Variants in ST8SIA2 observed in about 807,000 individuals in gnomAD.
ST8SIA2 encodes ST8 alpha-N-acetyl-neuraminide alpha-2,8-sialyltransferase 2, also known as alpha-2,8-sialyltransferase 8B.
Under a neutral mutation model 37.6 loss-of-function variants are expected in ST8SIA2, and 22 were observed. That is an observed-to-expected ratio of 0.58 (90% CI 0.42 to 0.83). The LOEUF is 0.83. Among genes scored for constraint, ST8SIA2 ranks in the 40% least tolerant of loss-of-function variants. The pLI is 0.00. For synonymous variants in ST8SIA2, 205 were observed against 201.2 expected, an observed-to-expected ratio of 1.02 and a Z score of -0.16; for missense variants, 382 against 484.7, an observed-to-expected ratio of 0.79 and a Z score of 1.99.
chr15:92,406,109 G>A (rs535426703), intron 1 of ST8SIA2, among the ~76,000 whole-genome samples: 1 of 152,334 alleles, frequency 6.6e-6, no homozygotes, highest in African/African-American at 2.4e-5. Context: ...GGAAGAGGTA[G>A]GGCACAGCTG....
chr15:92,394,291 G>A, intron 1 of ST8SIA2, 129 bp downstream of exon 1: 2 of 886,756 alleles, frequency 2.3e-6, no homozygotes, highest in Non-Finnish European at 3.6e-6. Flanking sequence ...AGATGGGGAC[G>A]GTTTGGCAGA....
intron 1 of ST8SIA2, among the ~76,000 whole-genome samples, chr15:92,398,155 AAAAG>A (rs1274978434): frequency 6.6e-6 from 1 of 152,192 alleles, no homozygotes; most frequent in East Asian, 1.9e-4. Context: ...AAAGAAAAGA[AAAAG>A]AAAGAAAGAA....
intron 4 of ST8SIA2, among the ~76,000 whole-genome samples, chr15:92,439,076 T>C (rs762405865): frequency 6.6e-6 from 1 of 152,118 alleles, no homozygotes; most frequent in African/African-American, 2.4e-5. Context: ...AGAGATCATA[T>C]CACCTGCAAA....
At chr15:92,436,277 T>A (rs887912450) in intron 3 of ST8SIA2, among the ~76,000 whole-genome samples, 1 of 152,090 alleles carries the variant, frequency 6.6e-6, no homozygotes, top group African/African-American at 2.4e-5. Flanking sequence ...GAAATCCTCC[T>A]GCCAGTATGA....
chr15:92,402,839 A>G (rs966962704), intron 1 of ST8SIA2, among the ~76,000 whole-genome samples: 6 of 150,532 alleles, frequency 4.0e-5, no homozygotes, highest in African/African-American at 2.5e-5. Context: ...TTGTTTGACC[A>G]TCTCATTACC....
chr15:92,417,869 C>T (rs112879112), intron 1 of ST8SIA2, among the ~76,000 whole-genome samples: 8 of 152,118 alleles, frequency 5.3e-5, no homozygotes, highest in African/African-American at 1.9e-4. Flanking sequence ...GTAATGTGAG[C>T]GGAGAGTCTA....
chr15:92,418,208 G>C (rs982592095), intron 1 of ST8SIA2, among the ~76,000 whole-genome samples: 1 of 151,846 alleles, frequency 6.6e-6, no homozygotes, highest in African/African-American at 2.4e-5. Context: ...AATCCCAGCA[G>C]TTTGGGAGGC....
intron 1 of ST8SIA2, among the ~76,000 whole-genome samples, chr15:92,414,444 C>G (rs1230019292): frequency 2.0e-5 from 3 of 152,212 alleles, no homozygotes; most frequent in Admixed American, 6.5e-5. Context: ...CCCAACCTCA[C>G]CTTTGCACCT....
At chr15:92,452,928 G>T (rs781693246) in intron 5 of ST8SIA2, among the ~76,000 whole-genome samples, 4 of 152,030 alleles carry the variant, frequency 2.6e-5, no homozygotes, top group Admixed American at 2.6e-4. Flanking sequence ...AATTCAACCC[G>T]TAACAGCTGG....
rs1419269827 is a variant in ST8SIA2 at position 92,464,951 on chromosome 15, C to A, written c.*566C>A. On this transcript the variant is annotated 3_prime_UTR_variant, in exon 6 of 6. Transcript: ENST00000268164. ...CAGAGGCCCCATCAGCACAGAGGGC[C>A]TCGTTCCACGAACGTAGAGTTTGAC... 6.3e-6 allele frequency: 1 copy of A among 159,196 alleles called. No homozygotes were observed. Among genetic ancestry groups the A allele is most frequent in the East Asian group, 1.9e-4 (1 of 5,386 alleles). 9.9% of individuals were successfully genotyped at this position (159,196 alleles called of 1,614,324 possible). A position where few individuals can be genotyped will look rare whatever the true frequency, so the allele number is the denominator to read the frequency against.
intron 1 of ST8SIA2, among the ~76,000 whole-genome samples, chr15:92,417,326 G>A (rs1395952190): frequency 1.3e-5 from 2 of 152,216 alleles, no homozygotes; most frequent in Non-Finnish European, 1.5e-5. Context: ...AACCAGGCAG[G>A]TGGGGAAGGG....
At chr15:92,444,022 C>T (rs2049822540) in intron 4 of ST8SIA2, among the ~76,000 whole-genome samples, 1 of 152,154 alleles carries the variant, frequency 6.6e-6, no homozygotes, top group Non-Finnish European at 1.5e-5. Flanking sequence ...GGGAAGTCCA[C>T]CTGACACTCC....
chr15:92,414,896 C>A (rs1276468888), intron 1 of ST8SIA2, among the ~76,000 whole-genome samples: 1 of 152,228 alleles, frequency 6.6e-6, no homozygotes. Context: ...TTCTTCCACC[C>A]TGAACACATA....
chr15:92,438,306 C>G (rs1411690019), intron 3 of ST8SIA2, 47 bp from the exon 4 acceptor site: 12 of 1,614,140 alleles, frequency 7.4e-6, no homozygotes, highest in Non-Finnish European at 1.0e-5. Context: ...TGGCAAAGGG[C>G]AGCTGGCACC....
In ST8SIA2 at chr15:92,407,125, A is replaced by G. The variant is rs141535967; in HGVS notation, c.98+12963A>G. On this transcript the variant is annotated intron_variant, in intron 1 of 5. Coordinates refer to ENST00000268164, the MANE Select transcript of ST8SIA2 (RefSeq NM_006011.4). ...TTATACATTGTTTCACACATTTATT[A>G]TAAAACCCCTGCAACACCCATTTTA... Among the ~76,000 whole-genome samples, 26 of 152,256 alleles carry G rather than the reference A, an allele frequency of 1.7e-4. No individual in the cohort carries two copies. In the East Asian group the frequency reaches 4.4e-3, roughly 26 times the overall value.
intron 5 of ST8SIA2, among the ~76,000 whole-genome samples, chr15:92,461,624 GC>G (rs907910259): frequency 2.0e-5 from 3 of 152,206 alleles, no homozygotes; most frequent in Admixed American, 2.0e-4. Flanking sequence ...AGGAAATAGC[GC>G]AGTGCCATGG....
chr15:92,433,137 A>G lies in ST8SIA2; in HGVS notation c.162-1110A>G, dbSNP rs1473621369. Among the ~76,000 whole-genome samples, 10 of 152,252 alleles carry G rather than the reference A, an allele frequency of 6.6e-5. 3 individuals carry two copies. Among genetic ancestry groups the G allele is most frequent in the Admixed American group, 5.9e-4 (9 of 15,304 alleles). On this transcript the variant is annotated intron_variant, in intron 2 of 5. Coordinates refer to ENST00000268164, the MANE Select transcript of ST8SIA2 (RefSeq NM_006011.4). ...AGAGCCCGCCTCTGTCTCCAAAAAA[A>G]AAAAAAGAAAAAAGTCAAAGTGGAG...
At chr15:92,444,064 C>G (rs1596245431) in intron 4 of ST8SIA2, among the ~76,000 whole-genome samples, 1 of 152,178 alleles carries the variant, frequency 6.6e-6, no homozygotes. Flanking sequence ...CAACAGTTAG[C>G]ATTTATCAAG....
At chr15:92,444,333 T>C (rs1869775) in intron 4 of ST8SIA2, among the ~76,000 whole-genome samples, 32,655 of 152,108 alleles carry the variant, frequency 0.21, 5,057 homozygotes, top group African/African-American at 0.43. Flanking sequence ...CATCATCTTG[T>C]GGACTGAGGA....
Sources: allele counts gnomAD v4.1 joint callset (sites outside exome capture counted in the v4.1 genomes callset), GRCh38; gene constraint gnomAD v4.1.1; transcripts MANE v1.5; gene names NCBI Gene and HGNC (gene_info 2026-07-23, HGNC 2026-07-21).